Variants in ATP6V1G1 observed in about 807,000 individuals in gnomAD.
The protein encoded by ATP6V1G1 is ATPase H+ transporting V1 subunit G1, also known as V-type proton ATPase subunit G 1.
ATP6V1G1 carries 14 observed loss-of-function variants against 14.2 expected under a neutral mutation model. The observed-to-expected ratio is 0.99, with a 90% confidence interval of 0.65 to 1.55. The LOEUF (loss-of-function observed/expected upper bound fraction) is 1.55. Ranked by LOEUF, ATP6V1G1 falls within the 40% of genes most tolerant of loss-of-function variation. The probability of loss-of-function intolerance (pLI) is 0.00; values close to 1 mark genes in which losing one functional copy is unlikely to be tolerated. For synonymous variants in ATP6V1G1, 65 were observed against 53.3 expected (o/e 1.22, Z -0.96); for missense variants, 137 against 146.4 (o/e 0.94, Z 0.33).
chr9:114,588,047 T>C (rs1845141879), intron 1 of ATP6V1G1, 127 bp downstream of exon 1: 1 of 1,067,310 alleles, frequency 9.4e-7, no homozygotes, highest in Non-Finnish European at 1.3e-6. Context: ...CGGAAGGTTG[T>C]GTGTTTCGAA....
rs570678826 is a variant in ATP6V1G1, at chr9:114,595,780, C to T, written c.184-1790C>T. On this transcript the variant is annotated intron_variant, in intron 2 of 2. Coordinates refer to ENST00000374050, the MANE Select transcript of ATP6V1G1 (RefSeq NM_004888.4). The stretch of plus-strand genomic sequence containing the variant: ...GCAACATAGTGAGATCCCATCTCTT[C>T]GGGAAAAAAAAATGGAGTGATAGCC... Among the ~76,000 whole-genome samples, 32 of 150,814 alleles carry T rather than the reference C, an allele frequency of 2.1e-4. No individual in the cohort carries two copies. In the South Asian group the frequency reaches 4.8e-3, roughly 23 times the overall value.
At chr9:114,591,545 T>C (rs1032384469) in intron 1 of ATP6V1G1, among the ~76,000 whole-genome samples, 6 of 152,026 alleles carry the variant, frequency 3.9e-5, no homozygotes, top group African/African-American at 1.5e-4. Flanking sequence ...CTTGCAGAAA[T>C]AGTTCTTGGA....
rs1352582150 is a variant in ATP6V1G1, at chr9:114,598,601, A to G, written c.*858A>G. Among the ~76,000 whole-genome samples the G allele has an allele frequency of 6.6e-6, 1 of 152,196 alleles. No homozygotes were observed. The highest frequency in any genetic ancestry group is 1.5e-5 in the Non-Finnish European group (1 of 68,034). The stretch of plus-strand genomic sequence containing the variant: ...ACAAATGTTTTGGAAAACAGCAAGC[A>G]ACTAGTCTGTAGGTTGTCTTTTCTC... On this transcript the variant is annotated 3_prime_UTR_variant, in exon 3 of 3. Transcript: ENST00000374050.
At chr9:114,592,197 G>A (rs762367365) in intron 1 of ATP6V1G1, among the ~76,000 whole-genome samples, 1 of 152,190 alleles carries the variant, frequency 6.6e-6, no homozygotes, top group African/African-American at 2.4e-5. Context: ...TACTTAAGGT[G>A]TTTACTTCTG....
Position 114,588,558 on chromosome 9 carries a change from C to T in ATP6V1G1, c.82+638C>T, listed in dbSNP as rs888120624. 4.0e-5 allele frequency among the ~76,000 whole-genome samples: 6 copies of T among 150,666 alleles called. No homozygotes were observed. The Admixed American group carries it at 4.0e-4, about 10-fold the overall frequency. On this transcript the variant is annotated intron_variant, in intron 1 of 2. Coordinates refer to ENST00000374050, the MANE Select transcript of ATP6V1G1 (RefSeq NM_004888.4). Reference sequence around the variant, plus strand: ...GTGTGTGTTTCTGTCTAATATGTGGCAAGCGCAGTGCCCAGTGCATCAGTT... The same window carrying T: ...GTGTGTGTTTCTGTCTAATATGTGGTAAGCGCAGTGCCCAGTGCATCAGTT...
At position 114,597,552 on chromosome 9, in the gene ATP6V1G1, A is replaced by G; in HGVS notation, c.184-18A>G. 6.8e-7 allele frequency: 1 copy of G among 1,478,366 alleles called. No homozygotes were observed. Among genetic ancestry groups the G allele is most frequent in the Non-Finnish European group, 9.0e-7 (1 of 1,113,826 alleles). 91.6% of individuals were successfully genotyped at this position (1,478,366 alleles called of 1,614,324 possible). A position where few individuals can be genotyped will look rare whatever the true frequency, so the allele number is the denominator to read the frequency against. On this transcript the variant is annotated intron_variant, in intron 2 of 2. Coordinates refer to ENST00000374050, the MANE Select transcript of ATP6V1G1 (RefSeq NM_004888.4). ...ATTGTTCTGATAATCCCTCCGTGAC[A>G]TCACTCCCCATCTCCAGGCATTGGG...
chr9:114,595,442 A>G (rs544077663), intron 2 of ATP6V1G1, among the ~76,000 whole-genome samples: 1 of 152,258 alleles, frequency 6.6e-6, no homozygotes, highest in African/African-American at 2.4e-5. Flanking sequence ...GTTTGAGCCC[A>G]GGAGTTCAAG....
At chr9:114,588,738 C>T (rs1176709585) in intron 1 of ATP6V1G1, among the ~76,000 whole-genome samples, 2 of 152,008 alleles carry the variant, frequency 1.3e-5, no homozygotes, top group African/African-American at 2.4e-5. Context: ...GTGGAAGAAC[C>T]CGTTCTGGTC....
intron 2 of ATP6V1G1, among the ~76,000 whole-genome samples, chr9:114,595,818 G>A (rs113116019): frequency 5.9e-5 from 9 of 152,166 alleles, no homozygotes; most frequent in Non-Finnish European, 8.8e-5. Flanking sequence ...CTTATAGGTC[G>A]TTGTGAGGAA....
intron 2 of ATP6V1G1, among the ~76,000 whole-genome samples, chr9:114,595,230 G>A (rs552737641): frequency 1.3e-4 from 20 of 152,248 alleles, no homozygotes; most frequent in African/African-American, 1.7e-4. Flanking sequence ...ACAACTTAGC[G>A]GAGCTTGGCG....
rs539776456 is a variant in ATP6V1G1, at chr9:114,597,583, G to A, written c.197G>A (p.Arg66His). ...KAKEAAALGS[R>H]GSCSTEVEKE... ...CCCCATCTCCAGGCATTGGGATCCC[G>A]TGGCAGTTGCAGCACTGAAGTGGAG... The change falls in exon 3 of 3, where the codon CGT becomes CAT. Residue 66 changes from arginine (R) to histidine (H), a missense_variant. By Grantham distance (29) the Arg-to-His change is conservative. Coordinates refer to ENST00000374050, the MANE Select transcript of ATP6V1G1 (RefSeq NM_004888.4). 2.6e-5 allele frequency: 39 copies of A among 1,505,868 alleles called. No homozygotes were observed. The highest frequency in any genetic ancestry group is 4.6e-5 in the Admixed American group (2 of 43,040). The allele number at this position is 1,505,868 out of a possible 1,614,324, so 93.3% of individuals were successfully genotyped here.
At chr9:114,592,993 A>C (rs1845200361) in intron 2 of ATP6V1G1, among the ~76,000 whole-genome samples, 1 of 152,232 alleles carries the variant, frequency 6.6e-6, no homozygotes, top group Non-Finnish European at 1.5e-5. Flanking sequence ...AGGGAGACTC[A>C]GTAATACAGT....
In ATP6V1G1 at chr9:114,589,385, C is replaced by T. The variant is rs76309659; in HGVS notation, c.82+1465C>T. On this transcript the variant is annotated intron_variant, in intron 1 of 2. Transcript: ENST00000374050. ...TCAGAGAGAAATGATTTATCCATAC[C>T]CTGGGAAGCAACATAGTTGGGACTC... 5.2e-4 allele frequency among the ~76,000 whole-genome samples: 79 copies of T among 152,170 alleles called. No homozygotes were observed. In the East Asian group the frequency reaches 0.01, roughly 20 times the overall value.
intron 2 of ATP6V1G1, among the ~76,000 whole-genome samples, chr9:114,596,387 C>CAAA (rs534296519): frequency 1.2e-5 from 1 of 80,322 alleles, no homozygotes; most frequent in African/African-American, 4.7e-5. Context: ...GACTCCAACT[C>CAAA]AAAAAAAAAA....
chr9:114,592,547 A>G lies in ATP6V1G1; in HGVS notation c.83-5A>G. 1 of 1,558,896 alleles carries G rather than the reference A, an allele frequency of 6.4e-7. No homozygotes were observed. The highest frequency in any genetic ancestry group is 8.7e-7 in the Non-Finnish European group (1 of 1,151,476). Reference sequence around the variant, plus strand: ...TCCTGATATAGCTCTCTCCTTTGAAAACAGGAAAGAACCGGAGGCTGAAGC... The same window carrying G: ...TCCTGATATAGCTCTCTCCTTTGAAGACAGGAAAGAACCGGAGGCTGAAGC... On this transcript the variant is annotated splice_polypyrimidine_tract_variant and splice_region_variant and intron_variant, in intron 1 of 2. Coordinates refer to ENST00000374050, the MANE Select transcript of ATP6V1G1 (RefSeq NM_004888.4).
intron 2 of ATP6V1G1, among the ~76,000 whole-genome samples, chr9:114,596,313 G>A (rs1289760964): frequency 3.3e-5 from 5 of 151,418 alleles, no homozygotes; most frequent in South Asian, 4.2e-4. Context: ...GCGTGAACCC[G>A]GGAGGCGGAG....
intron 2 of ATP6V1G1, among the ~76,000 whole-genome samples, chr9:114,597,091 C>T (rs1845247226): frequency 1.3e-5 from 2 of 149,326 alleles, no homozygotes; most frequent in Non-Finnish European, 3.0e-5. Flanking sequence ...CCCGGGTTCA[C>T]GCCATTCTCC....
chr9:114,594,716 C>T (rs1318616387), intron 2 of ATP6V1G1, among the ~76,000 whole-genome samples: 1 of 151,814 alleles, frequency 6.6e-6, no homozygotes, highest in Non-Finnish European at 1.5e-5. Context: ...TTTTCTTTTT[C>T]GTGGCACAGG....
intron 1 of ATP6V1G1, among the ~76,000 whole-genome samples, chr9:114,591,470 GA>G (rs1171639709): frequency 2.6e-5 from 4 of 152,218 alleles, no homozygotes; most frequent in Non-Finnish European, 5.9e-5. Flanking sequence ...GCATGTGAAG[GA>G]TTGGGGTACA....
Sources: gnomAD v4.1 joint callset for allele counts (sites outside exome capture counted in the v4.1 genomes callset) on GRCh38, gnomAD v4.1.1 for gene constraint, MANE v1.5 for transcripts, NCBI Gene and HGNC (gene_info 2026-07-23, HGNC 2026-07-21) for gene names.